Variants in TAFA2 observed in about 807,000 individuals in gnomAD.
TAFA2 encodes the protein TAFA chemokine like family member 2.
A neutral mutation model predicts 18.8 loss-of-function variants in TAFA2; 7 were observed. That is an observed-to-expected ratio of 0.37 (90% CI 0.21 to 0.70). The LOEUF is 0.70. Ranked by LOEUF, TAFA2 falls within the 30% of genes least tolerant of loss-of-function variation. TAFA2 has a pLI of 0.53. For synonymous variants in TAFA2, 60 were observed against 54.2 expected (o/e 1.11, Z -0.47); for missense variants, 122 against 158.1 (o/e 0.77, Z 1.23).
At chr12:62,063,729 A>G (rs967569858) in intron 1 of TAFA2, among the ~76,000 whole-genome samples, 2 of 152,178 alleles carry the variant, frequency 1.3e-5, no homozygotes, top group Admixed American at 6.6e-5. Flanking sequence ...GACATACAAC[A>G]TACAAATTTC....
intron 1 of TAFA2, among the ~76,000 whole-genome samples, chr12:61,941,709 G>C (rs851916): frequency 0.32 from 49,348 of 151,934 alleles, 10,082 homozygotes; most frequent in African/African-American, 0.59. Flanking sequence ...CCTGGAAAAT[G>C]GGGTCACTCC....
chr12:62,121,597 C>T (rs1870199854), intron 1 of TAFA2, among the ~76,000 whole-genome samples: 1 of 152,174 alleles, frequency 6.6e-6, no homozygotes, highest in South Asian at 2.1e-4. Context: ...TTAAATTTGG[C>T]ATCTCTCAAG....
chr12:61,776,642 A>C (rs1329705985), intron 2 of TAFA2, among the ~76,000 whole-genome samples: 1 of 151,842 alleles, frequency 6.6e-6, no homozygotes, highest in African/African-American at 2.4e-5. Context: ...CATATCAGCA[A>C]AAGTGGCCTC....
intron 2 of TAFA2, among the ~76,000 whole-genome samples, chr12:61,793,733 C>T (rs1871079053): frequency 6.6e-6 from 1 of 151,740 alleles, no homozygotes; most frequent in Non-Finnish European, 1.5e-5. Context: ...GACTATGTCT[C>T]AACTCACTCT....
chr12:61,845,665 G>A (rs1038949485), intron 2 of TAFA2, among the ~76,000 whole-genome samples: 5 of 152,014 alleles, frequency 3.3e-5, no homozygotes, highest in Non-Finnish European at 4.4e-5. Flanking sequence ...TATTCTTCTG[G>A]GGTGATTATC....
At chr12:62,072,955 A>G (rs747029135) in intron 1 of TAFA2, among the ~76,000 whole-genome samples, 10 of 152,234 alleles carry the variant, frequency 6.6e-5, no homozygotes, top group Non-Finnish European at 1.2e-4. Flanking sequence ...CTCTTAAATG[A>G]TAGGGGAAGC....
rs2062829239 is a variant in TAFA2 at position 62,234,881 on chromosome 12, T to C, written c.-130+23882A>G. The C allele has an allele frequency of 8.8e-6, 9 of 1,022,048 alleles. No individual in the cohort carries two copies. In the South Asian group the frequency reaches 1.1e-4, roughly 13 times the overall value. The allele number at this position is 1,022,048 out of a possible 1,614,324, so 63.3% of individuals were successfully genotyped here. A position where few individuals can be genotyped will look rare whatever the true frequency, so the allele number is the denominator to read the frequency against. On this transcript the variant is annotated intron_variant, in intron 1 of 5. Coordinates refer to the TAFA2 transcript ENST00000551619. ...AATGACTGGGACTCAGCTCGGGGCA[T>C]CCCACGATCATGGGCATCTTGTGGG... is the stretch of plus-strand genomic sequence containing the variant.
intron 1 of TAFA2, among the ~76,000 whole-genome samples, chr12:61,887,453 C>A (rs1378978814): frequency 6.6e-6 from 1 of 150,908 alleles, no homozygotes; most frequent in Non-Finnish European, 1.5e-5. Context: ...TTTTATTATA[C>A]TTTAAGTTTT....
At chr12:62,163,616 T>G (rs184509062) in intron 1 of TAFA2, among the ~76,000 whole-genome samples, 1 of 152,264 alleles carries the variant, frequency 6.6e-6, no homozygotes, top group Admixed American at 6.5e-5. Context: ...TATTTAAAGA[T>G]GATTTGTTGA....
At chr12:62,215,431 C>T (rs771251299) in intron 1 of TAFA2, among the ~76,000 whole-genome samples, 1 of 151,960 alleles carries the variant, frequency 6.6e-6, no homozygotes, top group Non-Finnish European at 1.5e-5. Context: ...TGGGGAAGTA[C>T]TGACATTTTC....
chr12:62,246,548 G>A (rs2062887405), intron 1 of TAFA2, among the ~76,000 whole-genome samples: 1 of 152,086 alleles, frequency 6.6e-6, no homozygotes, highest in Admixed American at 6.5e-5. Context: ...CTAATCTTCT[G>A]TATCTTTACT....
intron 1 of TAFA2, among the ~76,000 whole-genome samples, chr12:62,081,715 C>A (rs1446488541): frequency 2.6e-5 from 4 of 152,034 alleles, no homozygotes; most frequent in Admixed American, 1.3e-4. Context: ...GAACTGCTGA[C>A]CTCAAATGAT....
chr12:62,002,553 A>T (rs1450893201), intron 1 of TAFA2, among the ~76,000 whole-genome samples: 3 of 152,132 alleles, frequency 2.0e-5, no homozygotes, highest in Non-Finnish European at 4.4e-5. Context: ...CATCACTCGC[A>T]AACCCTCATT....
At chr12:62,111,336 A>G (rs1374468426) in intron 1 of TAFA2, among the ~76,000 whole-genome samples, 1 of 152,172 alleles carries the variant, frequency 6.6e-6, no homozygotes, top group Non-Finnish European at 1.5e-5. Context: ...ATTTGATTAC[A>G]CTGTGGTCTG....
intron 1 of TAFA2, among the ~76,000 whole-genome samples, chr12:62,257,035 G>A (rs1271358946): frequency 2.6e-5 from 4 of 151,988 alleles, no homozygotes; most frequent in Non-Finnish European, 4.4e-5. Context: ...CTGAGACAGT[G>A]GTTCCTGAAT....
chr12:62,093,127 T>A (rs997150983), intron 1 of TAFA2, among the ~76,000 whole-genome samples: 47 of 152,186 alleles, frequency 3.1e-4, no homozygotes, highest in African/African-American at 1.1e-3. Flanking sequence ...ACTTGGCTGT[T>A]ATAAATTTTC....
At chr12:62,088,785 C>T (rs1868573381) in intron 1 of TAFA2, among the ~76,000 whole-genome samples, 1 of 151,938 alleles carries the variant, frequency 6.6e-6, no homozygotes, top group Non-Finnish European at 1.5e-5. Context: ...CCTGAGATAA[C>T]CCTCAAGGAG....
chr12:62,077,426 T>A (rs954234874), intron 1 of TAFA2, among the ~76,000 whole-genome samples: 1 of 152,192 alleles, frequency 6.6e-6, no homozygotes, highest in Non-Finnish European at 1.5e-5. Flanking sequence ...GATTGTTCAA[T>A]TAGAAAAGAG....
chr12:62,196,243 T>G (rs1170376519), upstream of TAFA2, among the ~76,000 whole-genome samples: 6 of 152,348 alleles, frequency 3.9e-5, no homozygotes, highest in Admixed American at 2.0e-4. Context: ...TGTGGCTGGT[T>G]TGATTTTCTA....
Sources: gnomAD v4.1 joint callset for allele counts (sites outside exome capture counted in the v4.1 genomes callset) on GRCh38, gnomAD v4.1.1 for gene constraint, MANE v1.5 for transcripts, NCBI Gene and HGNC (gene_info 2026-07-23, HGNC 2026-07-21) for gene names.